THSD7B: variants seen among roughly 807,000 people sequenced by gnomAD.
THSD7B encodes thrombospondin type 1 domain containing 7B.
THSD7B carries 138 observed loss-of-function variants against 213.6 expected under a neutral mutation model. That is an observed-to-expected ratio of 0.65 (90% CI 0.56 to 0.74). The LOEUF is 0.74. Among genes scored for constraint, THSD7B ranks in the 30% least tolerant of loss-of-function variants. THSD7B has a pLI of 0.00. For missense variants in THSD7B, 1,931 were observed against 1,991.5 expected (o/e 0.97, Z 0.58); for synonymous variants, 742 against 687.0 (o/e 1.08, Z -1.25).
At chr2:136,816,458 G>A (rs1682475914) in intron 1 of THSD7B, among the ~76,000 whole-genome samples, 1 of 152,092 alleles carries the variant, frequency 6.6e-6, no homozygotes, top group Admixed American at 6.6e-5. Context: ...TGAAAACTAT[G>A]ATTTTAATAG....
intron 1 of THSD7B, among the ~76,000 whole-genome samples, chr2:136,858,252 G>A (rs2104969884): frequency 6.6e-6 from 1 of 152,164 alleles, no homozygotes; most frequent in East Asian, 1.9e-4. Flanking sequence ...CACTGTTTCT[G>A]GAATCCTTCC....
At position 137,343,804 on chromosome 2, in the gene THSD7B, A is replaced by G. The variant is rs78079378; in HGVS notation, c.2501-61809A>G. ...TACAGTGTACAAATACCACACATTTATTCTTAAAAATGGTAGAAAATATAA... is the reference window on the plus strand; with the variant it reads ...TACAGTGTACAAATACCACACATTTGTTCTTAAAAATGGTAGAAAATATAA... On this transcript the variant is annotated intron_variant, in intron 12 of 27. Transcript: ENST00000409968. 4.3e-3 allele frequency among the ~76,000 whole-genome samples: 649 copies of G among 151,672 alleles called. 3 individuals are homozygous for G. The highest frequency in any genetic ancestry group is 0.015 in the African/African-American group (616 of 41,250).
chr2:136,890,492 C>T (rs1303032169), intron 2 of THSD7B, among the ~76,000 whole-genome samples: 311 of 876 alleles, frequency 0.36, 134 homozygotes, highest in South Asian at 1. Context: ...CCTTTCTTCT[C>T]CTTTCTTCTC....
intron 14 of THSD7B, among the ~76,000 whole-genome samples, chr2:137,426,924 T>C (rs974849038): frequency 6.6e-6 from 1 of 152,094 alleles, no homozygotes; most frequent in African/African-American, 2.4e-5. Flanking sequence ...CCAAAATATA[T>C]TTAAAAACTA....
At chr2:137,081,445 G>C (rs937466212) in intron 3 of THSD7B, among the ~76,000 whole-genome samples, 1 of 151,866 alleles carries the variant, frequency 6.6e-6, no homozygotes, top group East Asian at 1.9e-4. Flanking sequence ...AATCTTGTAT[G>C]TCATCATTTG....
At chr2:137,313,395 G>C (rs557221675) in intron 12 of THSD7B, among the ~76,000 whole-genome samples, 4 of 151,916 alleles carry the variant, frequency 2.6e-5, no homozygotes, top group Admixed American at 2.6e-4. Flanking sequence ...TTGAGCCTAT[G>C]TGTGTTTCTG....
intron 1 of THSD7B, among the ~76,000 whole-genome samples, chr2:136,840,284 C>A (rs1682902686): frequency 6.6e-6 from 1 of 152,102 alleles, no homozygotes; most frequent in East Asian, 1.9e-4. Flanking sequence ...GAGGCTGAGG[C>A]AGGAGAATCA....
At chr2:137,324,389 C>G (rs1684323005) in intron 12 of THSD7B, among the ~76,000 whole-genome samples, 1 of 152,026 alleles carries the variant, frequency 6.6e-6, no homozygotes, top group Non-Finnish European at 1.5e-5. Flanking sequence ...AATAGTATTC[C>G]TCACAAGAAA....
At chr2:137,380,675 A>C (rs1319946302) in intron 12 of THSD7B, among the ~76,000 whole-genome samples, 1 of 152,208 alleles carries the variant, frequency 6.6e-6, no homozygotes, top group Non-Finnish European at 1.5e-5. Context: ...AGCCTCAAGA[A>C]GGAACCCGAC....
At chr2:137,197,981 T>C (rs1028154271) in intron 7 of THSD7B, among the ~76,000 whole-genome samples, 4 of 152,152 alleles carry the variant, frequency 2.6e-5, no homozygotes, top group Non-Finnish European at 5.9e-5. Context: ...GTATGTGTTG[T>C]GGGGAGGTTG....
At chr2:137,622,337 C>G (rs527761147) in intron 20 of THSD7B, among the ~76,000 whole-genome samples, 2 of 152,090 alleles carry the variant, frequency 1.3e-5, no homozygotes, top group African/African-American at 2.4e-5. Flanking sequence ...GTTCTTCCAG[C>G]TTTGAGCCTG....
In THSD7B at chr2:136,985,742, C is replaced by T. The variant is rs539196464; in HGVS notation, c.140-70678C>T. ...GGGAAAAAGGCCATCGCTCTCCAGACCTGAGAATTATGTAGCCACCAGCAG... is the reference window on the plus strand; with the variant it reads ...GGGAAAAAGGCCATCGCTCTCCAGATCTGAGAATTATGTAGCCACCAGCAG... On this transcript the variant is annotated intron_variant, in intron 2 of 27. Coordinates refer to ENST00000409968, the MANE Select transcript of THSD7B (RefSeq NM_001316349.2). Among the ~76,000 whole-genome samples the T allele has an allele frequency of 1.4e-3, 211 of 152,310 alleles. 1 individual carries two copies. The highest frequency in any genetic ancestry group is 4.7e-3 in the African/African-American group (194 of 41,574).
At chr2:137,493,841 G>A (rs1573659892) in intron 15 of THSD7B, among the ~76,000 whole-genome samples, 1 of 152,232 alleles carries the variant, frequency 6.6e-6, no homozygotes, top group Middle Eastern at 3.4e-3. Context: ...AAGGGGAAAC[G>A]TACCTAGCCC....
At chr2:137,501,344 G>A (rs866213997) in intron 15 of THSD7B, among the ~76,000 whole-genome samples, 45 of 151,678 alleles carry the variant, frequency 3.0e-4, no homozygotes, top group Admixed American at 4.6e-4. Context: ...CTGAATACAA[G>A]CCCAATAGTA....
chr2:137,674,307 G>A (rs777225887), intron 27 of THSD7B, among the ~76,000 whole-genome samples: 9 of 149,138 alleles, frequency 6.0e-5, no homozygotes, highest in East Asian at 1.9e-4. Context: ...CTCCCTTCCC[G>A]CAGAAAAAAG....
At chr2:137,427,791 A>G (rs779313058) in intron 14 of THSD7B, among the ~76,000 whole-genome samples, 3 of 152,152 alleles carry the variant, frequency 2.0e-5, no homozygotes, top group Non-Finnish European at 4.4e-5. Context: ...ATAGTTAATA[A>G]TAGTATATAC....
At chr2:137,071,867 C>A (rs1005457701) in intron 3 of THSD7B, among the ~76,000 whole-genome samples, 1 of 152,184 alleles carries the variant, frequency 6.6e-6, no homozygotes, top group Non-Finnish European at 1.5e-5. Context: ...AACAGGGAAT[C>A]CTTTCCCCAT....
intron 21 of THSD7B, among the ~76,000 whole-genome samples, chr2:137,646,719 C>T (rs964755487): frequency 6.6e-6 from 1 of 150,718 alleles, no homozygotes; most frequent in African/African-American, 2.4e-5. Context: ...GATTTTGCAG[C>T]TTCCAGAACC....
chr2:136,831,001 T>A (rs891808160), intron 1 of THSD7B, among the ~76,000 whole-genome samples: 1 of 152,168 alleles, frequency 6.6e-6, no homozygotes, highest in African/African-American at 2.4e-5. Flanking sequence ...ATACATAAAA[T>A]GATAATCAAC....
Sources: gnomAD v4.1 joint callset for allele counts (sites outside exome capture counted in the v4.1 genomes callset) on GRCh38, gnomAD v4.1.1 for gene constraint, MANE v1.5 for transcripts, NCBI Gene and HGNC (gene_info 2026-07-23, HGNC 2026-07-21) for gene names.